The following MACROD2 variants were observed in gnomAD, a reference collection of about 807,000 sequenced individuals.
MACROD2 encodes ADP-ribose glycohydrolase MACROD2.
A neutral mutation model predicts 70.4 loss-of-function variants in MACROD2; 36 were observed. The observed-to-expected ratio is 0.51, with a 90% CI of 0.39 to 0.68. The LOEUF is 0.68. MACROD2 is among the 30% of genes least tolerant of loss of function. The probability of loss-of-function intolerance (pLI) is 0.00; values close to 1 mark genes in which losing one functional copy is unlikely to be tolerated. For missense variants in MACROD2, 496 were observed against 538.4 expected (o/e 0.92, Z 0.78); for synonymous variants, 172 against 178.8 (o/e 0.96, Z 0.30).
At chr20:15,050,269 A>C (rs1377458360) in intron 5 of MACROD2, among the ~76,000 whole-genome samples, 3 of 152,190 alleles carry the variant, frequency 2.0e-5, no homozygotes, top group Admixed American at 2.0e-4. Flanking sequence ...TTTGACTTTC[A>C]TATGGTACTG....
chr20:14,522,780 TA>T (rs1461446107), intron 4 of MACROD2, among the ~76,000 whole-genome samples: 1 of 152,188 alleles, frequency 6.6e-6, no homozygotes, highest in African/African-American at 2.4e-5. Context: ...CCCATCCTCA[TA>T]GATCTAGTCT....
intron 6 of MACROD2, among the ~76,000 whole-genome samples, chr20:15,391,508 C>T (rs1448729102): frequency 6.6e-6 from 1 of 152,184 alleles, no homozygotes; most frequent in African/African-American, 2.4e-5. Flanking sequence ...AGCAGGTCTC[C>T]CGGCCACAGC....
At chr20:14,556,516 G>A (rs1408172058) in intron 4 of MACROD2, among the ~76,000 whole-genome samples, 2 of 152,016 alleles carry the variant, frequency 1.3e-5, no homozygotes, top group African/African-American at 4.8e-5. Context: ...ACCAGGTGAA[G>A]GGTGGCTTTA....
intron 6 of MACROD2, among the ~76,000 whole-genome samples, chr20:15,267,004 TTAG>T (rs932170635): frequency 6.6e-6 from 1 of 152,224 alleles, no homozygotes; most frequent in African/African-American, 2.4e-5. Flanking sequence ...GTGGATTTTA[TTAG>T]TAGGAGTGGA....
At chr20:14,188,391 C>T (rs1353524651) in intron 3 of MACROD2, among the ~76,000 whole-genome samples, 3 of 151,976 alleles carry the variant, frequency 2.0e-5, no homozygotes, top group South Asian at 2.1e-4. Context: ...AACTTAGAAG[C>T]GATGCCATAT....
Position 15,371,294 on chromosome 20 carries a change from C to T in MACROD2, c.541-60111C>T, listed in dbSNP as rs1165955308. On this transcript the variant is annotated intron_variant, in intron 6 of 17. Transcript: ENST00000684519. ...GATATTAAAATAGTGGTTTTCAAATCTTATAGCCCTAGTATCATCTTAGAG... is the reference window on the plus strand; with the variant it reads ...GATATTAAAATAGTGGTTTTCAAATTTTATAGCCCTAGTATCATCTTAGAG... 4.6e-5 allele frequency among the ~76,000 whole-genome samples: 7 copies of T among 152,088 alleles called. No individual in the cohort carries two copies. In the East Asian group the frequency reaches 7.7e-4, roughly 17 times the overall value.
chr20:14,840,883 G>C lies in MACROD2; in HGVS notation c.418+155924G>C, dbSNP rs1229171673. 4.6e-5 allele frequency among the ~76,000 whole-genome samples: 7 copies of C among 152,102 alleles called. 1 individual carries two copies. Among genetic ancestry groups the C allele is most frequent in the Admixed American group, 4.6e-4 (7 of 15,268 alleles). ...ATTTGGCTTAAAGAGTGCAGGGCTA[G>C]TATGAGGACACTGCACTCTGAAATA... On this transcript the variant is annotated intron_variant, in intron 5 of 17. Coordinates refer to ENST00000684519, the MANE Select transcript of MACROD2 (RefSeq NM_001351661.2).
chr20:14,627,815 G>A (rs1984270071), intron 4 of MACROD2, among the ~76,000 whole-genome samples: 1 of 152,066 alleles, frequency 6.6e-6, no homozygotes. Flanking sequence ...AGGCATTCTG[G>A]ATTCAATGAC....
intron 7 of MACROD2, among the ~76,000 whole-genome samples, chr20:15,473,564 T>C (rs1417075783): frequency 6.6e-6 from 1 of 152,176 alleles, no homozygotes; most frequent in Non-Finnish European, 1.5e-5. Context: ...ATTTCAACTG[T>C]TTGTAGTGAG....
intron 5 of MACROD2, among the ~76,000 whole-genome samples, chr20:14,745,210 T>C (rs572741226): frequency 1.3e-5 from 2 of 152,316 alleles, no homozygotes; most frequent in East Asian, 1.9e-4. Context: ...TTTAAAAATC[T>C]TTATCCTCCA....
At chr20:14,024,823 T>C (rs946127310) in intron 2 of MACROD2, among the ~76,000 whole-genome samples, 1 of 152,196 alleles carries the variant, frequency 6.6e-6, no homozygotes, top group Non-Finnish European at 1.5e-5. Flanking sequence ...GGATATTGCC[T>C]GAAATTTTCT....
At chr20:14,858,895 GTT>G in intron 5 of MACROD2, among the ~76,000 whole-genome samples, 1 of 152,218 alleles carries the variant, frequency 6.6e-6, no homozygotes, top group East Asian at 1.9e-4. Flanking sequence ...TAAAGTGAAA[GTT>G]TTGATTTAGG....
intron 5 of MACROD2, among the ~76,000 whole-genome samples, chr20:14,960,841 T>A (rs902523621): frequency 1.3e-5 from 2 of 152,146 alleles, no homozygotes; most frequent in African/African-American, 4.8e-5. Context: ...TTTCATCAAT[T>A]AATTCAGATT....
chr20:14,247,417 A>G (rs2081976253), intron 3 of MACROD2, among the ~76,000 whole-genome samples: 1 of 152,234 alleles, frequency 6.6e-6, no homozygotes, highest in Non-Finnish European at 1.5e-5. Context: ...TATATTCAGA[A>G]TATGGCTACG....
intron 6 of MACROD2, among the ~76,000 whole-genome samples, chr20:15,319,251 A>T (rs2077847492): frequency 6.6e-6 from 1 of 152,206 alleles, no homozygotes; most frequent in Non-Finnish European, 1.5e-5. Context: ...ATAAATTTAA[A>T]TAATAAATGA....
intron 3 of MACROD2, among the ~76,000 whole-genome samples, chr20:14,465,931 G>A (rs1420328042): frequency 6.6e-6 from 1 of 152,084 alleles, no homozygotes; most frequent in Admixed American, 6.5e-5. Context: ...TTCCCTTTGT[G>A]GGTAACCTGA....
At chr20:14,330,646 G>A (rs985377297) in intron 3 of MACROD2, among the ~76,000 whole-genome samples, 8 of 152,008 alleles carry the variant, frequency 5.3e-5, no homozygotes, top group East Asian at 1.9e-4. Flanking sequence ...TATTATTTAC[G>A]CAACTTGAAA....
chr20:15,643,511 A>G (rs6131684), intron 8 of MACROD2, among the ~76,000 whole-genome samples: 64,668 of 151,996 alleles, frequency 0.43, 15,774 homozygotes, highest in East Asian at 0.58. Context: ...GACTTATGTC[A>G]TTGCACGTTT....
At chr20:15,152,176 T>G (rs2076274830) in intron 5 of MACROD2, among the ~76,000 whole-genome samples, 1 of 152,006 alleles carries the variant, frequency 6.6e-6, no homozygotes, top group South Asian at 2.1e-4. Flanking sequence ...TTGGAACCAC[T>G]GTCAAGTTTG....
Sources: gnomAD v4.1 joint callset for allele counts (sites outside exome capture counted in the v4.1 genomes callset) on GRCh38, gnomAD v4.1.1 for gene constraint, MANE v1.5 for transcripts, NCBI Gene and HGNC (gene_info 2026-07-23, HGNC 2026-07-21) for gene names.